ABCA13: variants seen among roughly 807,000 people sequenced by gnomAD.
ABCA13 encodes ATP binding cassette subfamily A member 13.
A neutral mutation model predicts 478.7 loss-of-function variants in ABCA13; 476 were observed. That is an observed-to-expected ratio of 0.99 (90% CI 0.92 to 1.07). ABCA13 has a LOEUF of 1.07. Among genes scored for constraint, ABCA13 ranks in the 50% least tolerant of loss-of-function variants. ABCA13 has a pLI of 0.00. For missense variants in ABCA13, 6,060 were observed against 5,910.6 expected (o/e 1.03, Z -0.83); for synonymous variants, 2,252 against 2,158.9 (o/e 1.04, Z -1.20).
chr7:48,463,891 G>A (rs759677703), intron 43 of ABCA13, among the ~76,000 whole-genome samples: 31 of 152,052 alleles, frequency 2.0e-4, no homozygotes, highest in Non-Finnish European at 4.1e-4. Context: ...AGGGGAGAGT[G>A]TAGGCTGCTG....
In ABCA13 at chr7:48,272,254, A is replaced by G; in HGVS notation, c.2588A>G (p.Glu863Gly). The change falls in exon 17 of 62, where the codon GAA (glutamate) becomes GGA (glycine). Residue 863 changes from glutamate (E) to glycine (G), a missense_variant. By Grantham distance (98) the Glu-to-Gly change is moderately conservative. This residue lies in a region of ABCA13 where 4,423 missense variants were observed against 4,309.1 expected (regional missense o/e 1.03). Coordinates refer to ENST00000435803, the MANE Select transcript of ABCA13 (RefSeq NM_152701.5). ...ACACTTTTAAATTTTTCTGTTCCAGAAAATGAGATTCTGAGTACAAGTTTT... is the reference window on the plus strand; with the variant it reads ...ACACTTTTAAATTTTTCTGTTCCAGGAAATGAGATTCTGAGTACAAGTTTT... ...FFTLLNFSVP[E>G]NEILSTSFNF... 1.2e-6 allele frequency: 2 copies of G among 1,612,784 alleles called. No individual in the cohort carries two copies. The highest frequency in any genetic ancestry group is 1.7e-6 in the Non-Finnish European group (2 of 1,179,540).
intron 40 of ABCA13, 97 bp from the exon 41 acceptor site, chr7:48,412,256 T>A (rs1408490938): frequency 3.4e-6 from 3 of 871,208 alleles, no homozygotes; most frequent in African/African-American, 3.4e-5. Flanking sequence ...AAATGGAGTT[T>A]TGAAATAATT....
intron 55 of ABCA13, among the ~76,000 whole-genome samples, chr7:48,561,998 C>T (rs545635594): frequency 2.6e-5 from 4 of 151,970 alleles, no homozygotes; most frequent in Admixed American, 6.6e-5. Context: ...AAACAGGCCC[C>T]GTCTCATAAG....
chr7:48,426,509 G>A (rs1407048235), intron 41 of ABCA13, among the ~76,000 whole-genome samples: 2 of 152,172 alleles, frequency 1.3e-5, no homozygotes, highest in South Asian at 2.1e-4. Context: ...GAGGCAGGGT[G>A]CTCAGTGTGG....
chr7:48,557,741 CATTAAAAGTAATTACTTTTGGCA>C (rs1187416523), intron 55 of ABCA13, among the ~76,000 whole-genome samples: 4 of 152,064 alleles, frequency 2.6e-5, no homozygotes, highest in African/African-American at 4.8e-5. Flanking sequence ...CGGTTTTTGA[CATTAAAAGTAATTACTTTTGGCA>C]ATTAAAAGTA....
chr7:48,287,907 A>G (rs1205112776), intron 19 of ABCA13, 53 bp from the exon 20 acceptor site: 2 of 1,324,164 alleles, frequency 1.5e-6, no homozygotes, highest in South Asian at 1.2e-5. Flanking sequence ...GAGAGTGGCT[A>G]GTTCAGGAGA....
Position 48,248,230 on chromosome 7 carries a change from C to A in ABCA13, c.1660-9C>A, listed in dbSNP as rs765971673. On this transcript the variant is annotated splice_polypyrimidine_tract_variant and intron_variant, in intron 13 of 61. Transcript: ENST00000435803. ...TTTATTATAAGCAATATCTTCTTTT[C>A]TTGTTAAGGATCGTATTTTGCAAGA... The A allele has an allele frequency of 1.9e-6, 3 of 1,607,074 alleles. No homozygotes were observed. The highest frequency in any genetic ancestry group is 2.6e-6 in the Non-Finnish European group (3 of 1,174,606).
chr7:48,424,803 G>C (rs946092066), intron 41 of ABCA13, among the ~76,000 whole-genome samples: 1 of 152,182 alleles, frequency 6.6e-6, no homozygotes, highest in African/African-American at 2.4e-5. Flanking sequence ...CAAAGGCAAA[G>C]TCTGCCATCA....
At chr7:48,584,147 A>T (rs1409565040) in intron 56 of ABCA13, among the ~76,000 whole-genome samples, 1 of 152,158 alleles carries the variant, frequency 6.6e-6, no homozygotes, top group African/African-American at 2.4e-5. Flanking sequence ...GTTTTCTTTT[A>T]TGTATGGCTA....
At chr7:48,187,441 C>A (rs1188608199) in intron 1 of ABCA13, among the ~76,000 whole-genome samples, 1 of 151,828 alleles carries the variant, frequency 6.6e-6, no homozygotes, top group Non-Finnish European at 1.5e-5. Context: ...GGAAATTCTC[C>A]TATCTTATAT....
chr7:48,468,761 G>GT (rs2130228925), intron 44 of ABCA13, among the ~76,000 whole-genome samples: 1 of 152,254 alleles, frequency 6.6e-6, no homozygotes, highest in African/African-American at 2.4e-5. Context: ...CTACTGATAG[G>GT]TTGCTTTTCT....
intron 58 of ABCA13, among the ~76,000 whole-genome samples, chr7:48,613,258 G>A (rs1290632257): frequency 1.3e-5 from 2 of 151,218 alleles, no homozygotes; most frequent in Non-Finnish European, 2.9e-5. Flanking sequence ...GCAAAATCTC[G>A]GCTCACTGCA....
Position 48,278,955 on chromosome 7 carries a change from A to G in ABCA13, c.7761A>G (p.Ile2587Met), listed in dbSNP as rs1426437477. 3.7e-6 allele frequency: 6 copies of G among 1,613,514 alleles called. No individual in the cohort carries two copies. The East Asian group carries it at 8.9e-5, about 24-fold the overall frequency. Residue 2587 changes from isoleucine to methionine, a missense_variant, in exon 18 of 62, where the codon ATA becomes ATG. By Grantham distance (10) the Ile-to-Met change is conservative (BLOSUM62 1). This residue lies in a region of ABCA13 where 4,423 missense variants were observed against 4,309.1 expected (regional missense o/e 1.03). Transcript: ENST00000435803. ...TAGATCATTTCACATTTGAAAAGAT[A>G]AATGATTTGTTGGTGCCATTTCTTG... ...KKIDHFTFEKINDLLVPFLDL... is the reference protein window; with the variant it reads ...KKIDHFTFEKMNDLLVPFLDL...
intron 51 of ABCA13, among the ~76,000 whole-genome samples, chr7:48,516,160 C>T (rs138705275): frequency 2.6e-5 from 4 of 152,318 alleles, no homozygotes; most frequent in East Asian, 1.9e-4. Context: ...TTCAGTCTTA[C>T]GGCTGTCCCC....
intron 55 of ABCA13, among the ~76,000 whole-genome samples, chr7:48,559,775 C>G (rs1300818304): frequency 6.6e-6 from 1 of 152,164 alleles, no homozygotes; most frequent in Non-Finnish European, 1.5e-5. Context: ...CTGGGGCCTT[C>G]CTTTCAAGGC....
At chr7:48,550,800 T>A (rs1327241911) in intron 55 of ABCA13, among the ~76,000 whole-genome samples, 1 of 151,342 alleles carries the variant, frequency 6.6e-6, no homozygotes, top group Non-Finnish European at 1.5e-5. Flanking sequence ...GCACAGGTCA[T>A]CCATGTTATG....
intron 59 of ABCA13, among the ~76,000 whole-genome samples, chr7:48,640,727 A>G (rs1485710250): frequency 6.6e-6 from 1 of 152,212 alleles, no homozygotes; most frequent in Non-Finnish European, 1.5e-5. Context: ...TGTGTATGTT[A>G]TAGATAGAAA....
intron 15 of ABCA13, among the ~76,000 whole-genome samples, chr7:48,250,111 G>A (rs1315239463): frequency 6.6e-6 from 1 of 152,096 alleles, no homozygotes. Flanking sequence ...TTACTTCCTA[G>A]GTTACTGGTT....
chr7:48,418,701 A>G (rs1460690738), intron 41 of ABCA13, among the ~76,000 whole-genome samples: 3 of 152,258 alleles, frequency 2.0e-5, no homozygotes, highest in Non-Finnish European at 4.4e-5. Context: ...TGGCATAAAT[A>G]TGAGGAATTA....
Sources: gnomAD v4.1 joint callset for allele counts (sites outside exome capture counted in the v4.1 genomes callset) on GRCh38, gnomAD v4.1.1 for gene constraint, gnomAD v4.1.1 regional missense constraint, MANE v1.5 for transcripts, NCBI Gene and HGNC (gene_info 2026-07-23, HGNC 2026-07-21) for gene names.